SCN7A: variants seen among roughly 807,000 people sequenced by gnomAD.
The protein encoded by SCN7A is sodium channel protein type 7 subunit alpha.
SCN7A carries 138 observed loss-of-function variants against 155.2 expected under a neutral mutation model. The ratio of observed to expected loss-of-function variants is 0.89; its 90% CI spans 0.77 to 1.02. The LOEUF (loss-of-function observed/expected upper bound fraction) is 1.02. SCN7A is among the 50% of genes least tolerant of loss of function. SCN7A has a pLI of 0.00. For missense variants in SCN7A, 2,058 were observed against 1,986.6 expected, an observed-to-expected ratio of 1.04 and a Z score of -0.68; for synonymous variants, 693 against 649.0, an observed-to-expected ratio of 1.07 and a Z score of -1.03.
At chr2:166,479,262 A>G (rs1262835734) in intron 2 of SCN7A, among the ~76,000 whole-genome samples, 1 of 152,104 alleles carries the variant, frequency 6.6e-6, no homozygotes, top group Non-Finnish European at 1.5e-5. Flanking sequence ...TTACTTGTCT[A>G]TTAATTAAAA....
At chr2:166,433,558 T>C (rs181964323) in intron 15 of SCN7A, among the ~76,000 whole-genome samples, 40 of 152,214 alleles carry the variant, frequency 2.6e-4, no homozygotes, top group Non-Finnish European at 1.6e-4. Context: ...TATCAAACGA[T>C]CAAAGGTTAC....
intron 12 of SCN7A, among the ~76,000 whole-genome samples, chr2:166,446,024 A>G (rs1165318562): frequency 6.6e-6 from 1 of 152,172 alleles, no homozygotes; most frequent in Non-Finnish European, 1.5e-5. Context: ...AAAATTGACA[A>G]ATGGGATCTA....
intron 11 of SCN7A, among the ~76,000 whole-genome samples, chr2:166,449,349 G>A (rs1448345168): frequency 1.3e-5 from 2 of 152,006 alleles, no homozygotes; most frequent in Non-Finnish European, 2.9e-5. Flanking sequence ...ACTGACATAG[G>A]GGCTGCCACT....
chr2:166,436,948 T>C (rs1205946542), intron 15 of SCN7A, among the ~76,000 whole-genome samples: 1 of 152,208 alleles, frequency 6.6e-6, no homozygotes, highest in African/African-American at 2.4e-5. Flanking sequence ...CATAAAAATT[T>C]GTAAAATTTG....
chr2:166,460,724 AAGCTC>A lies in SCN7A; in HGVS notation c.1083+1660_1083+1664del, dbSNP rs934806060. On this transcript the variant is annotated intron_variant, in intron 10 of 25. Transcript: ENST00000643258. Reference sequence around the variant, plus strand: ...ACATGGAAATATGATATTATGAGAAAAGCTCATTTAGGAAGCAGCAAATCCTTTGA... The same window carrying A: ...ACATGGAAATATGATATTATGAGAAAATTTAGGAAGCAGCAAATCCTTTGA... Among the ~76,000 whole-genome samples the A allele has an allele frequency of 2.7e-4, 41 of 152,294 alleles. 2 individuals carry two copies. The highest frequency in any genetic ancestry group is 1.4e-3 in the Admixed American group (21 of 15,288).
chr2:166,427,807 A>G lies in SCN7A; in HGVS notation c.2834T>C (p.Leu945Pro). ...WFKCFIGLVTLLSTGTLAFED... is the reference protein window; with the variant it reads ...WFKCFIGLVTPLSTGTLAFED... ...ACTTACCAGAGTGCCAGTGCTGAGC[A>G]GAGTAACAAGCCCAATAAAACACTT... The change falls in exon 18 of 26, where the codon CTG (leucine) becomes CCG (proline). Residue 945 changes from leucine to proline, a missense_variant. Leu to Pro is a moderately conservative substitution (Grantham distance 98). Transcript: ENST00000643258. The G allele has an allele frequency of 6.2e-7, 1 of 1,611,196 alleles. No individual in the cohort carries two copies. Among genetic ancestry groups the G allele is most frequent in the South Asian group, 1.1e-5 (1 of 90,744 alleles).
chr2:166,493,873 G>T (rs2105553524), intron 1 of SCN7A, 95 bp downstream of exon 1: 1 of 152,664 alleles, frequency 6.6e-6, no homozygotes, highest in East Asian at 1.9e-4. Context: ...GTGTGTATGG[G>T]ATGGGGCAGG....
At chr2:166,490,196 C>G (rs1683053794) in intron 1 of SCN7A, among the ~76,000 whole-genome samples, 1 of 152,036 alleles carries the variant, frequency 6.6e-6, no homozygotes, top group Non-Finnish European at 1.5e-5. Flanking sequence ...AACACTTATA[C>G]TTATGCCTCC....
chr2:166,462,313 T>A (rs1702431668), intron 10 of SCN7A, 76 bp downstream of exon 10: 3 of 1,420,428 alleles, frequency 2.1e-6, no homozygotes, highest in South Asian at 1.5e-5. Flanking sequence ...AAAAACTATA[T>A]TACATTTGAC....
At position 166,405,701 on chromosome 2, in the gene SCN7A, C is replaced by T. The variant is rs34589606; in HGVS notation, c.4928G>A (p.Arg1643Gln). 297 of 1,612,994 alleles carry T rather than the reference C, an allele frequency of 1.8e-4. 1 individual carries two copies. The African/African-American group carries it at 3.1e-3, about 17-fold the overall frequency. The part of the protein sequence containing the change: ...QRAYKNYRLR[R>Q]NDKNTSDIHM... The stretch of plus-strand genomic sequence containing the variant: ...AATATCTGATGTATTTTTGTCATTT[C>T]GCCTCAAGCGGTAATTTTTATAAGC... The change falls in exon 26 of 26, where the codon CGA becomes CAA. Residue 1643 changes from arginine to glutamine, a missense_variant. Physicochemically the swap from Arg to Gln is conservative, Grantham distance 43. Coordinates refer to ENST00000643258, the MANE Select transcript of SCN7A (RefSeq NM_002976.4).
intron 2 of SCN7A, among the ~76,000 whole-genome samples, chr2:166,486,602 G>T (rs569669654): frequency 8.5e-5 from 13 of 152,154 alleles, no homozygotes; most frequent in African/African-American, 2.9e-4. Context: ...AAATCTCCTG[G>T]GGCTAATACT....
chr2:166,411,165 T>A (rs928407619), intron 23 of SCN7A, among the ~76,000 whole-genome samples: 2 of 152,082 alleles, frequency 1.3e-5, no homozygotes, highest in Non-Finnish European at 2.9e-5. Flanking sequence ...CTTTCCACAC[T>A]ATCAGTTAGC....
At chr2:166,487,016 G>A (rs931264046) in intron 1 of SCN7A, 48 bp from the exon 2 acceptor site, 1 of 152,168 alleles carries the variant, frequency 6.6e-6, no homozygotes, top group African/African-American at 2.4e-5. Context: ...ACACAACTGG[G>A]ACATTCACTT....
At position 166,441,558 on chromosome 2, in the gene SCN7A, T is replaced by G. The variant is rs371300873; in HGVS notation, c.1995A>C (p.Gln665His). 2 of 1,613,790 alleles carry G rather than the reference T, an allele frequency of 1.2e-6. No homozygotes were observed. Among genetic ancestry groups the G allele is most frequent in the Non-Finnish European group, 1.7e-6 (2 of 1,179,920 alleles). The change falls in exon 15 of 26, where the codon CAA becomes CAC. Residue 665 changes from glutamine to histidine, a missense_variant. By Grantham distance (24) the Gln-to-His change is conservative (BLOSUM62 0). Transcript: ENST00000643258. ...EFVCHIDKDC[Q>H]LPRWHMHDFF... ...AGTCATGCATGTGCCAGCGTGGGAG[T>G]TGACAGTCTTTGTCTATGTGGCAGA...
At position 166,404,389 on chromosome 2, in the gene SCN7A, TATG is replaced by T. The variant is rs1701021112; in HGVS notation, c.*1188_*1190del. The stretch of plus-strand genomic sequence containing the variant: ...AAACATTTTATAGAGTATGGATGTA[TATG>T]ATGAGATTAAAAAACTTGAAAACGT... On this transcript the variant is annotated 3_prime_UTR_variant, in exon 26 of 26. Transcript: ENST00000643258. 1 of 151,940 alleles carries T rather than the reference TATG, an allele frequency of 6.6e-6. No homozygotes were observed. The highest frequency in any genetic ancestry group is 6.6e-5 in the Admixed American group (1 of 15,220). 9.4% of individuals were successfully genotyped at this position (151,940 alleles called of 1,614,324 possible). A position where few individuals can be genotyped will look rare whatever the true frequency, so the allele number is the denominator to read the frequency against.
intron 21 of SCN7A, among the ~76,000 whole-genome samples, chr2:166,414,029 TATA>T (rs1559087866): frequency 1.2e-5 from 1 of 82,260 alleles, no homozygotes; most frequent in African/African-American, 4.6e-5. Context: ...TGTAAATATA[TATA>T]AATATATTTA....
intron 11 of SCN7A, among the ~76,000 whole-genome samples, chr2:166,448,134 C>G (rs1702106027): frequency 1.3e-5 from 2 of 152,098 alleles, no homozygotes; most frequent in South Asian, 4.1e-4. Context: ...TTTGCAGGCT[C>G]TGGTAACCAC....
At chr2:166,456,038 T>G (rs1420936929) in intron 11 of SCN7A, among the ~76,000 whole-genome samples, 2 of 152,188 alleles carry the variant, frequency 1.3e-5, no homozygotes, top group African/African-American at 4.8e-5. Flanking sequence ...TGAAAAAGAA[T>G]GAGTTCACAT....
intron 10 of SCN7A, chr2:166,461,904 A>C (rs771127576): frequency 1.3e-5 from 2 of 153,414 alleles, no homozygotes; most frequent in African/African-American, 4.8e-5. Flanking sequence ...CCTGGCTAAT[A>C]CGGTGAAACC....
Sources: allele counts gnomAD v4.1 joint callset (sites outside exome capture counted in the v4.1 genomes callset), GRCh38; gene constraint gnomAD v4.1.1; transcripts MANE v1.5; gene names NCBI Gene and HGNC (gene_info 2026-07-23, HGNC 2026-07-21).